The following ATP6V0A4 variants were observed in gnomAD, a reference collection of about 807,000 sequenced individuals.
ATP6V0A4 encodes the protein ATPase H+ transporting V0 subunit a4.
Under a neutral mutation model 107.3 loss-of-function variants are expected in ATP6V0A4, and 86 were observed. The ratio of observed to expected loss-of-function variants is 0.80; its 90% CI spans 0.67 to 0.96. ATP6V0A4 has a LOEUF of 0.96. ATP6V0A4 is among the 40% of genes least tolerant of loss of function. The pLI is 0.00. For missense variants in ATP6V0A4, 908 were observed against 1,045.6 expected (o/e 0.87, Z 1.81); for synonymous variants, 353 against 381.4 (o/e 0.93, Z 0.87).
chr7:138,731,076 G>A (rs1412570580), intron 17 of ATP6V0A4, among the ~76,000 whole-genome samples: 1 of 151,976 alleles, frequency 6.6e-6, no homozygotes, highest in African/African-American at 2.4e-5. Flanking sequence ...TGGGATTATA[G>A]GCACCTGCCA....
chr7:138,792,985 C>CA (rs759909192), intron 1 of ATP6V0A4, among the ~76,000 whole-genome samples: 21 of 151,712 alleles, frequency 1.4e-4, no homozygotes, highest in Admixed American at 5.9e-4. Context: ...AAGTTTATGG[C>CA]AAAAAAACAT....
chr7:138,721,407 C>T (rs1344286274), intron 19 of ATP6V0A4, among the ~76,000 whole-genome samples: 2 of 152,030 alleles, frequency 1.3e-5, no homozygotes, highest in African/African-American at 2.4e-5. Flanking sequence ...GGTGCAGTGG[C>T]GGATGCCTAT....
intron 9 of ATP6V0A4, 37 bp downstream of exon 9, chr7:138,756,421 C>T: frequency 1.2e-6 from 2 of 1,613,364 alleles, no homozygotes. Flanking sequence ...AATCCTGGCC[C>T]AAATCACTGA....
chr7:138,793,985 T>C (rs1243897477), intron 1 of ATP6V0A4, among the ~76,000 whole-genome samples: 1 of 152,198 alleles, frequency 6.6e-6, no homozygotes, highest in Non-Finnish European at 1.5e-5. Context: ...ACTAACTCTA[T>C]GGCATGATCT....
At chr7:138,739,676 G>T in intron 14 of ATP6V0A4, 43 bp from the exon 15 acceptor site, 1 of 1,609,616 alleles carries the variant, frequency 6.2e-7, no homozygotes. Flanking sequence ...TGATCAACCG[G>T]GGCAGAAAAG....
At chr7:138,714,460 C>CT (rs1262146619) in intron 20 of ATP6V0A4, among the ~76,000 whole-genome samples, 1 of 152,080 alleles carries the variant, frequency 6.6e-6, no homozygotes, top group East Asian at 1.9e-4. Flanking sequence ...AATCCCAGCA[C>CT]TTTGGGAGGC....
intron 20 of ATP6V0A4, among the ~76,000 whole-genome samples, chr7:138,714,500 G>A (rs1803928697): frequency 6.6e-6 from 1 of 152,072 alleles, no homozygotes; most frequent in African/African-American, 2.4e-5. Context: ...GAGGCCAGGA[G>A]TGTGAGATCA....
At chr7:138,708,428 G>A (rs1803563692) in intron 21 of ATP6V0A4, among the ~76,000 whole-genome samples, 1 of 152,138 alleles carries the variant, frequency 6.6e-6, no homozygotes, top group African/African-American at 2.4e-5. Context: ...GGAGGCAGGG[G>A]ATGCTGTGGC....
intron 14 of ATP6V0A4, among the ~76,000 whole-genome samples, chr7:138,743,203 A>G (rs990812461): frequency 6.6e-6 from 1 of 152,066 alleles, no homozygotes; most frequent in Non-Finnish European, 1.5e-5. Context: ...CATGCCTGTA[A>G]TCCTAGCACT....
At chr7:138,744,247 T>G (rs2117268109) in intron 14 of ATP6V0A4, among the ~76,000 whole-genome samples, 1 of 151,636 alleles carries the variant, frequency 6.6e-6, no homozygotes, top group Non-Finnish European at 1.5e-5. Context: ...GCTTTTTTTT[T>G]TTTTTTTTCA....
At chr7:138,708,288 C>T (rs1404468821) in intron 21 of ATP6V0A4, among the ~76,000 whole-genome samples, 6 of 152,090 alleles carry the variant, frequency 3.9e-5, no homozygotes, top group African/African-American at 7.2e-5. Flanking sequence ...TCAGCTGATC[C>T]GCCCGCCTTG....
chr7:138,745,962 A>AAAATATATAT (rs1554396065), intron 13 of ATP6V0A4, among the ~76,000 whole-genome samples: 1 of 65,680 alleles, frequency 1.5e-5, no homozygotes, highest in African/African-American at 6.7e-5. Flanking sequence ...AAAAAAAAAA[A>AAAATATATAT]ATATATATAT....
chr7:138,768,967 G>A, intron 4 of ATP6V0A4, 93 bp from the exon 5 acceptor site: 1 of 1,583,548 alleles, frequency 6.3e-7, no homozygotes, highest in Non-Finnish European at 8.6e-7. Flanking sequence ...CTTTCACTCA[G>A]CTCAGCTACC....
intron 1 of ATP6V0A4, among the ~76,000 whole-genome samples, chr7:138,788,283 G>A (rs966251086): frequency 1.3e-5 from 2 of 152,212 alleles, no homozygotes; most frequent in African/African-American, 2.4e-5. Flanking sequence ...CTGACCACAT[G>A]CTCAGATTGT....
At chr7:138,748,708 C>T (rs1242878295) in intron 12 of ATP6V0A4, among the ~76,000 whole-genome samples, 1 of 152,100 alleles carries the variant, frequency 6.6e-6, no homozygotes, top group East Asian at 1.9e-4. Context: ...ACCCAGCCTA[C>T]ACCTTTATTT....
intron 15 of ATP6V0A4, among the ~76,000 whole-genome samples, chr7:138,735,363 G>A (rs189178723): frequency 7.9e-5 from 12 of 152,222 alleles, no homozygotes; most frequent in African/African-American, 1.7e-4. Flanking sequence ...TGTCAAAGGC[G>A]ACAAGGGCAC....
In ATP6V0A4 at chr7:138,727,683, A is replaced by T. The variant is rs374759576; in HGVS notation, c.2010+1078T>A. Among the ~76,000 whole-genome samples, 31 of 152,306 alleles carry T rather than the reference A, an allele frequency of 2.0e-4. No individual in the cohort carries two copies. The South Asian group carries it at 5.8e-3, about 29-fold the overall frequency. On this transcript the variant is annotated intron_variant, in intron 18 of 21. Transcript: ENST00000310018. ...AAAGATCTCAGAAAAATAGAATTTA[A>T]TCTGAACATATCTACAACCATTTAA...
intron 2 of ATP6V0A4, among the ~76,000 whole-genome samples, chr7:138,783,234 C>T (rs1808001698): frequency 6.6e-6 from 1 of 151,982 alleles, no homozygotes. Flanking sequence ...ATAACTTCCC[C>T]TCCCCAAATT....
In ATP6V0A4 at chr7:138,747,565, C is replaced by T; in HGVS notation, c.1181-1G>A. The T allele has an allele frequency of 1.9e-6, 3 of 1,613,882 alleles. No homozygotes were observed. The South Asian group carries it at 3.3e-5, about 18-fold the overall frequency. ...GGGAAAGTGATGATGGTGTAGGGGG[C>T]TGCGGAGGGGAGACACACAACGCCT... On this transcript the variant is annotated splice_acceptor_variant, in intron 12 of 21. Transcript: ENST00000310018. LOFTEE classifies it high-confidence loss of function.
Sources: gnomAD v4.1 joint callset for allele counts (sites outside exome capture counted in the v4.1 genomes callset) on GRCh38, gnomAD v4.1.1 for gene constraint, MANE v1.5 for transcripts, NCBI Gene and HGNC (gene_info 2026-07-23, HGNC 2026-07-21) for gene names.